Variants in SMIM35 observed in about 807,000 individuals in gnomAD.
The protein encoded by SMIM35 is small integral membrane protein 35.
At chr11:118,011,174 C>G (rs149856279) in intron 4 of SMIM35, among the ~76,000 whole-genome samples, 86 of 152,254 alleles carry the variant, frequency 5.6e-4, no homozygotes, top group African/African-American at 2.1e-3. Context: ...GTTCTGCTCC[C>G]GAGGATGGGA....
At chr11:118,054,173 TTTTG>T (rs1944272116) in intron 1 of SMIM35, among the ~76,000 whole-genome samples, 3 of 151,766 alleles carry the variant, frequency 2.0e-5, no homozygotes, top group South Asian at 2.1e-4. Flanking sequence ...TGTTTTGTTT[TTTTG>T]TTTGTTCTTG....
intron 1 of SMIM35, among the ~76,000 whole-genome samples, chr11:118,066,548 A>G (rs904540229): frequency 2.0e-5 from 3 of 152,358 alleles, no homozygotes; most frequent in Admixed American, 1.3e-4. Context: ...TTTAGCACAC[A>G]TCTCTAATAT....
chr11:118,004,715 T>C lies in SMIM35; in HGVS notation c.*1695A>G, dbSNP rs773737562. The C allele has an allele frequency of 6.6e-6, 1 of 152,170 alleles. No homozygotes were observed. 9.4% of individuals were successfully genotyped at this position (152,170 alleles called of 1,614,324 possible). On this transcript the variant is annotated 3_prime_UTR_variant, in exon 5 of 5. Coordinates refer to ENST00000689828, the MANE Select transcript of SMIM35 (RefSeq NM_001394165.1). ...ACAGTTAGAATATTCACGCGATGAC[T>C]TCCTGCCTTGAGGAAAAGCAGGCTG... is the stretch of plus-strand genomic sequence containing the variant.
At chr11:118,069,165 C>A (rs1418502831) in intron 1 of SMIM35, among the ~76,000 whole-genome samples, 1 of 152,224 alleles carries the variant, frequency 6.6e-6, no homozygotes, top group Non-Finnish European at 1.5e-5. Flanking sequence ...CTGCCAAGTA[C>A]AGGCTGTGAG....
At chr11:118,068,473 AC>A (rs956973621) in intron 1 of SMIM35, among the ~76,000 whole-genome samples, 2 of 152,192 alleles carry the variant, frequency 1.3e-5, no homozygotes, top group Non-Finnish European at 2.9e-5. Flanking sequence ...AGTGTCCAGC[AC>A]ACTAGAGGCG....
At chr11:118,073,159 A>G (rs936130600) in intron 1 of SMIM35, among the ~76,000 whole-genome samples, 13 of 152,208 alleles carry the variant, frequency 8.5e-5, no homozygotes, top group Middle Eastern at 3.2e-3. Flanking sequence ...GCTGGTCTCA[A>G]ACTCCTGACC....
At chr11:118,053,677 T>G (rs919195426) in intron 1 of SMIM35, among the ~76,000 whole-genome samples, 1 of 152,178 alleles carries the variant, frequency 6.6e-6, no homozygotes, top group Non-Finnish European at 1.5e-5. Flanking sequence ...CCTAAAGCAA[T>G]GTGTTTACAA....
At chr11:118,023,724 GA>G (rs57380438) in intron 1 of SMIM35, among the ~76,000 whole-genome samples, 14 of 151,754 alleles carry the variant, frequency 9.2e-5, no homozygotes, top group South Asian at 6.2e-4. Flanking sequence ...ACATAGAGGG[GA>G]AAAAAAGTAA....
At position 118,074,230 on chromosome 11, in the gene SMIM35, A is replaced by G. The variant is rs150372019; in HGVS notation, c.7+12521T>C. 7.2e-5 allele frequency among the ~76,000 whole-genome samples: 11 copies of G among 152,344 alleles called. 1 individual carries two copies. The South Asian group carries it at 2.1e-3, about 29-fold the overall frequency. On this transcript the variant is annotated intron_variant, in intron 1 of 4. Coordinates refer to ENST00000689828, the MANE Select transcript of SMIM35 (RefSeq NM_001394165.1). ...CTGAAGCTTCAGCTTCAGGAGTTTC[A>G]TGATAACTCTGCCTCGGATCTTGAC...
At chr11:118,056,531 G>A (rs192784591) in intron 1 of SMIM35, among the ~76,000 whole-genome samples, 1 of 152,298 alleles carries the variant, frequency 6.6e-6, no homozygotes, top group African/African-American at 2.4e-5. Flanking sequence ...ATGTCCATGG[G>A]GCAATAGAGA....
intron 1 of SMIM35, among the ~76,000 whole-genome samples, chr11:118,039,125 A>G (rs1943959853): frequency 6.6e-6 from 1 of 152,148 alleles, no homozygotes; most frequent in African/African-American, 2.4e-5. Context: ...TTCTAAAACA[A>G]CTCTGGCTGC....
At chr11:118,020,860 C>T (rs1565381661) in intron 1 of SMIM35, among the ~76,000 whole-genome samples, 1 of 152,022 alleles carries the variant, frequency 6.6e-6, no homozygotes, top group Non-Finnish European at 1.5e-5. Flanking sequence ...TATAATGTAC[C>T]TTGATATATG....
intron 4 of SMIM35, among the ~76,000 whole-genome samples, chr11:118,008,848 G>A (rs1307029911): frequency 6.6e-6 from 1 of 152,260 alleles, no homozygotes; most frequent in Non-Finnish European, 1.5e-5. Context: ...CCATCAAATA[G>A]GAGAAAGCAA....
At chr11:118,007,733 A>T (rs1184205568) in intron 4 of SMIM35, among the ~76,000 whole-genome samples, 1 of 151,942 alleles carries the variant, frequency 6.6e-6, no homozygotes, top group Non-Finnish European at 1.5e-5. Flanking sequence ...TCATCCCCCC[A>T]GTGGTTCTCT....
At chr11:118,081,263 T>C (rs561107367) in intron 1 of SMIM35, among the ~76,000 whole-genome samples, 1 of 152,262 alleles carries the variant, frequency 6.6e-6, no homozygotes, top group South Asian at 2.1e-4. Flanking sequence ...AGTGTTTTTA[T>C]CCCAGAGGGG....
At chr11:118,049,280 A>G (rs1157965761) in intron 1 of SMIM35, among the ~76,000 whole-genome samples, 1 of 151,614 alleles carries the variant, frequency 6.6e-6, no homozygotes, top group East Asian at 1.9e-4. Flanking sequence ...GGGACCCCAG[A>G]ACCGTCTGTG....
rs559975641 is a variant in SMIM35, at chr11:118,077,450, C to A, written c.7+9301G>T. On this transcript the variant is annotated intron_variant, in intron 1 of 4. Coordinates refer to ENST00000689828, the MANE Select transcript of SMIM35 (RefSeq NM_001394165.1). ...AAGAGGCCACACCCAAATCCCCTCA[C>A]ACCCCAGCCCGGTACACGTCTCATA... is the stretch of plus-strand genomic sequence containing the variant. 47 of 974,482 alleles carry A rather than the reference C, an allele frequency of 4.8e-5. No individual in the cohort carries two copies. In the African/African-American group the frequency reaches 7.5e-4, roughly 16 times the overall value. 60.4% of individuals were successfully genotyped at this position (974,482 alleles called of 1,614,324 possible).
At chr11:118,046,212 G>C (rs1051597109) in intron 1 of SMIM35, among the ~76,000 whole-genome samples, 2 of 152,166 alleles carry the variant, frequency 1.3e-5, no homozygotes, top group African/African-American at 4.8e-5. Context: ...GTCTGCCTTT[G>C]ATCTCTAATG....
At chr11:118,065,367 T>C (rs768023623) in intron 1 of SMIM35, among the ~76,000 whole-genome samples, 1 of 152,112 alleles carries the variant, frequency 6.6e-6, no homozygotes, top group Non-Finnish European at 1.5e-5. Context: ...AAAAGTGAAA[T>C]ATAGAGAGTG....
Sources: allele counts gnomAD v4.1 joint callset (sites outside exome capture counted in the v4.1 genomes callset), GRCh38; gene constraint gnomAD v4.1.1; transcripts MANE v1.5; gene names NCBI Gene and HGNC (gene_info 2026-07-23, HGNC 2026-07-21).